TRAPPC9: variants seen among roughly 807,000 people sequenced by gnomAD.
TRAPPC9 encodes IKK2 binding protein.
In TRAPPC9, 83 loss-of-function variants were observed where a neutral mutation model predicts 124.0. That is an observed-to-expected ratio of 0.67 (90% CI 0.56 to 0.80). The LOEUF (loss-of-function observed/expected upper bound fraction) is 0.80. TRAPPC9 is among the 30% of genes least tolerant of loss of function. The probability of loss-of-function intolerance (pLI) is 0.00; values close to 1 mark genes in which losing one functional copy is unlikely to be tolerated. For synonymous variants in TRAPPC9, 638 were observed against 617.5 expected (o/e 1.03, Z -0.49); for missense variants, 1,302 against 1,508.3 (o/e 0.86, Z 2.27).
At chr8:139,873,967 C>T (rs1171543272) in intron 21 of TRAPPC9, among the ~76,000 whole-genome samples, 2 of 152,230 alleles carry the variant, frequency 1.3e-5, no homozygotes, top group African/African-American at 4.8e-5. Context: ...AAACTGGCTG[C>T]TGCCTTGCCG....
At chr8:140,170,814 G>A (rs1349189268) in intron 17 of TRAPPC9, among the ~76,000 whole-genome samples, 1 of 152,222 alleles carries the variant, frequency 6.6e-6, no homozygotes, top group Admixed American at 6.5e-5. Flanking sequence ...TCCTGTGCTG[G>A]GGTGAGAATG....
intron 17 of TRAPPC9, among the ~76,000 whole-genome samples, chr8:140,155,959 C>G (rs180720650): frequency 6.6e-6 from 1 of 152,244 alleles, no homozygotes; most frequent in African/African-American, 2.4e-5. Context: ...TTATGGCCCA[C>G]AAGGAACACA....
At chr8:139,761,594 A>G (rs1820230391) in intron 21 of TRAPPC9, among the ~76,000 whole-genome samples, 1 of 151,706 alleles carries the variant, frequency 6.6e-6, no homozygotes. Context: ...CTGGGACCCA[A>G]CCCCTCAGCA....
chr8:139,741,789 C>T (rs1487137505), intron 21 of TRAPPC9, among the ~76,000 whole-genome samples: 2 of 152,134 alleles, frequency 1.3e-5, no homozygotes, highest in African/African-American at 4.8e-5. Context: ...AGCTCCGGCG[C>T]CTGGCTTCCT....
At chr8:140,188,736 C>T (rs934937742) in intron 17 of TRAPPC9, among the ~76,000 whole-genome samples, 1 of 152,182 alleles carries the variant, frequency 6.6e-6, no homozygotes, top group Non-Finnish European at 1.5e-5. Context: ...CCTTCAACAC[C>T]GATGTTCCCC....
intron 2 of TRAPPC9, among the ~76,000 whole-genome samples, chr8:140,447,638 G>C (rs762524302): frequency 9.9e-5 from 15 of 152,272 alleles, no homozygotes; most frequent in Middle Eastern, 3.4e-3. Flanking sequence ...CCTACACCTC[G>C]TGTACCGGGG....
At chr8:139,764,878 C>T (rs540731012) in intron 21 of TRAPPC9, among the ~76,000 whole-genome samples, 153 of 152,278 alleles carry the variant, frequency 1.0e-3, no homozygotes, top group African/African-American at 3.3e-3. Flanking sequence ...GACACTGAAA[C>T]GTGGCAGCAA....
At chr8:140,378,953 G>C (rs1445571583) in intron 7 of TRAPPC9, among the ~76,000 whole-genome samples, 1 of 152,050 alleles carries the variant, frequency 6.6e-6, no homozygotes, top group Non-Finnish European at 1.5e-5. Flanking sequence ...ATGGGGATGG[G>C]GGGATTTTTA....
chr8:139,835,257 C>T (rs936181567), intron 21 of TRAPPC9, among the ~76,000 whole-genome samples: 2 of 152,230 alleles, frequency 1.3e-5, no homozygotes, highest in Non-Finnish European at 2.9e-5. Flanking sequence ...TCACCCACTT[C>T]GAGCAGAACA....
At chr8:139,868,357 A>AAAAT (rs1399878928) in intron 21 of TRAPPC9, among the ~76,000 whole-genome samples, 4 of 152,228 alleles carry the variant, frequency 2.6e-5, no homozygotes, top group Non-Finnish European at 4.4e-5. Flanking sequence ...CTCCATCTCA[A>AAAAT]AAATAAATAA....
chr8:140,106,487 G>T (rs779476879), intron 17 of TRAPPC9, among the ~76,000 whole-genome samples: 3 of 152,226 alleles, frequency 2.0e-5, no homozygotes, highest in Non-Finnish European at 4.4e-5. Context: ...GATGCCCGCA[G>T]GGTGAGTGGA....
At chr8:140,380,428 T>TG (rs1289754360) in intron 7 of TRAPPC9, among the ~76,000 whole-genome samples, 1 of 151,580 alleles carries the variant, frequency 6.6e-6, no homozygotes, top group Non-Finnish European at 1.5e-5. Flanking sequence ...CCGGGGTGGG[T>TG]GGATCGCCTG....
chr8:139,775,679 TGA>T (rs1165437056), intron 21 of TRAPPC9, among the ~76,000 whole-genome samples: 1 of 152,192 alleles, frequency 6.6e-6, no homozygotes, highest in African/African-American at 2.4e-5. Context: ...GCCCAGGCTG[TGA>T]GTCTGGCAGG....
chr8:140,362,107 A>G (rs900003494), intron 8 of TRAPPC9, among the ~76,000 whole-genome samples: 1 of 152,142 alleles, frequency 6.6e-6, no homozygotes, highest in African/African-American at 2.4e-5. Flanking sequence ...CAGGTACCAT[A>G]AGGCACCTGT....
At chr8:140,433,922 G>C (rs983966137) in intron 4 of TRAPPC9, among the ~76,000 whole-genome samples, 10 of 152,210 alleles carry the variant, frequency 6.6e-5, no homozygotes, top group Admixed American at 1.3e-4. Flanking sequence ...GTGGGAAACT[G>C]GCTGTCCGGA....
intron 18 of TRAPPC9, among the ~76,000 whole-genome samples, chr8:139,994,112 C>A (rs1837815594): frequency 6.6e-6 from 1 of 152,112 alleles, no homozygotes; most frequent in Non-Finnish European, 1.5e-5. Flanking sequence ...GCCTGGGATC[C>A]CCCCAGAAAG....
intron 17 of TRAPPC9, among the ~76,000 whole-genome samples, chr8:140,085,106 A>G (rs1844100101): frequency 6.6e-6 from 1 of 152,168 alleles, no homozygotes; most frequent in East Asian, 1.9e-4. Flanking sequence ...GCAGAGCTCC[A>G]TGTTTCACTG....
chr8:139,737,667 T>G (rs2130022846), intron 21 of TRAPPC9, among the ~76,000 whole-genome samples: 1 of 152,312 alleles, frequency 6.6e-6, no homozygotes, highest in Non-Finnish European at 1.5e-5. Flanking sequence ...CACAGCTGCT[T>G]GTCGAGGAGC....
chr8:140,012,106 G>T (rs930402062), intron 18 of TRAPPC9, among the ~76,000 whole-genome samples: 1 of 152,178 alleles, frequency 6.6e-6, no homozygotes, highest in African/African-American at 2.4e-5. Context: ...CACCGCGCCC[G>T]GCCAGGCATA....
Sources: allele counts gnomAD v4.1 joint callset (sites outside exome capture counted in the v4.1 genomes callset), GRCh38; gene constraint gnomAD v4.1.1; transcripts MANE v1.5; gene names NCBI Gene and HGNC (gene_info 2026-07-23, HGNC 2026-07-21).